Variants in KCMF1 observed in about 807,000 individuals in gnomAD.
KCMF1 encodes E3 ubiquitin-protein ligase KCMF1.
A neutral mutation model predicts 41.1 loss-of-function variants in KCMF1; 3 were observed. That is an observed-to-expected ratio of 0.07 (90% CI 0.03 to 0.19). KCMF1 has a LOEUF of 0.19. Among genes scored for constraint, KCMF1 ranks in the 10% least tolerant of loss-of-function variants. The pLI is 1.00. For synonymous variants in KCMF1, 142 were observed against 164.5 expected, an observed-to-expected ratio of 0.86 and a Z score of 1.04; for missense variants, 286 against 488.9, an observed-to-expected ratio of 0.58 and a Z score of 3.91.
intron 1 of KCMF1, among the ~76,000 whole-genome samples, chr2:84,972,707 CAG>C (rs2103954571): frequency 6.6e-6 from 1 of 152,296 alleles, no homozygotes; most frequent in East Asian, 1.9e-4. Flanking sequence ...CTGAAAAACT[CAG>C]ATTGATTAAA....
chr2:85,014,483 GAATC>G (rs1230000202), intron 1 of KCMF1, among the ~76,000 whole-genome samples: 3 of 151,988 alleles, frequency 2.0e-5, no homozygotes, highest in Non-Finnish European at 4.4e-5. Flanking sequence ...ATCTGTAAAA[GAATC>G]AACAGTTCAG....
At chr2:85,045,527 C>T (rs1242502309) in intron 4 of KCMF1, among the ~76,000 whole-genome samples, 1 of 152,190 alleles carries the variant, frequency 6.6e-6, no homozygotes, top group Non-Finnish European at 1.5e-5. Flanking sequence ...GCCTCCCCCA[C>T]CTCTCATTTG....
At chr2:85,010,311 A>G (rs1674621340) in intron 1 of KCMF1, among the ~76,000 whole-genome samples, 2 of 152,096 alleles carry the variant, frequency 1.3e-5, no homozygotes, top group South Asian at 4.1e-4. Context: ...TCTGCTAAAA[A>G]CACAAAAATT....
intron 6 of KCMF1, among the ~76,000 whole-genome samples, chr2:85,051,801 T>C (rs1675814302): frequency 6.6e-6 from 1 of 152,234 alleles, no homozygotes; most frequent in Admixed American, 6.5e-5. Flanking sequence ...GATTATTTAC[T>C]GTTGGGCTTC....
chr2:84,984,703 C>A (rs929362789), intron 1 of KCMF1, among the ~76,000 whole-genome samples: 1 of 152,042 alleles, frequency 6.6e-6, no homozygotes, highest in African/African-American at 2.4e-5. Context: ...GCCCATAATC[C>A]TAGCTACTCG....
At chr2:85,039,720 G>A (rs1183119812) in intron 3 of KCMF1, among the ~76,000 whole-genome samples, 1 of 152,146 alleles carries the variant, frequency 6.6e-6, no homozygotes, top group Admixed American at 6.5e-5. Flanking sequence ...GACTGATGGT[G>A]ACCCTCAGTG....
At chr2:84,987,694 G>A (rs1362947474) in intron 1 of KCMF1, among the ~76,000 whole-genome samples, 1 of 152,190 alleles carries the variant, frequency 6.6e-6, no homozygotes, top group African/African-American at 2.4e-5. Context: ...CTAGATTTAA[G>A]AATTTCATAG....
chr2:85,025,392 C>A (rs932555673), intron 1 of KCMF1, among the ~76,000 whole-genome samples: 129 of 152,166 alleles, frequency 8.5e-4, no homozygotes, highest in African/African-American at 2.9e-3. Flanking sequence ...TTTATTTTAA[C>A]CCCTTTTAGG....
intron 1 of KCMF1, among the ~76,000 whole-genome samples, chr2:84,997,756 TAC>T (rs1275135001): frequency 3.4e-5 from 5 of 146,662 alleles, no homozygotes; most frequent in Non-Finnish European, 6.0e-5. Flanking sequence ...CAGCAAAAAA[TAC>T]ATTTTCTTTT....
intron 1 of KCMF1, among the ~76,000 whole-genome samples, chr2:85,010,482 G>A (rs1412987858): frequency 6.6e-6 from 1 of 152,132 alleles, no homozygotes; most frequent in Non-Finnish European, 1.5e-5. Context: ...AAAAAAGACT[G>A]TTCTAGACCT....
intron 1 of KCMF1, among the ~76,000 whole-genome samples, chr2:85,011,402 G>A (rs375258169): frequency 3.9e-5 from 6 of 152,238 alleles, no homozygotes; most frequent in African/African-American, 1.4e-4. Context: ...TGCTTGCTTG[G>A]TGTACTTATT....
chr2:85,048,576 C>T (rs1435285354), intron 5 of KCMF1, among the ~76,000 whole-genome samples: 1 of 152,156 alleles, frequency 6.6e-6, no homozygotes, highest in Non-Finnish European at 1.5e-5. Flanking sequence ...TCCCTATAAG[C>T]GAGGTGGACC....
intron 1 of KCMF1, among the ~76,000 whole-genome samples, chr2:84,976,912 CAT>C (rs1673561813): frequency 6.6e-6 from 1 of 151,936 alleles, no homozygotes; most frequent in African/African-American, 2.4e-5. Flanking sequence ...TCATGTATAA[CAT>C]GATGTTTTGA....
intron 1 of KCMF1, among the ~76,000 whole-genome samples, chr2:84,995,756 G>A (rs542429992): frequency 6.6e-6 from 1 of 152,172 alleles, no homozygotes; most frequent in Non-Finnish European, 1.5e-5. Context: ...TTCAAAACAA[G>A]CGTGGGCAAT....
Position 85,027,775 on chromosome 2 carries a change from C to G in KCMF1, c.17-114C>G, listed in dbSNP as rs1159180354. ...CCCGTATCATTTTACTAAGTCATTTCTAGTCATTTTGGAAAGGACATATGA... is the reference window on the plus strand; with the variant it reads ...CCCGTATCATTTTACTAAGTCATTTGTAGTCATTTTGGAAAGGACATATGA... On this transcript the variant is annotated intron_variant, in intron 1 of 6. Coordinates refer to ENST00000409785, the MANE Select transcript of KCMF1 (RefSeq NM_020122.5). 4 of 634,852 alleles carry G rather than the reference C, an allele frequency of 6.3e-6. No homozygotes were observed. In the African/African-American group the frequency reaches 7.4e-5, roughly 12 times the overall value. The allele number at this position is 634,852 out of a possible 1,614,324, so 39.3% of individuals were successfully genotyped here.
At chr2:85,014,706 CGCGTGCGTGCGT>C (rs200633560) in intron 1 of KCMF1, among the ~76,000 whole-genome samples, 1 of 146,412 alleles carries the variant, frequency 6.8e-6, no homozygotes. Context: ...TACTGGCGCG[CGCGTGCGTGCGT>C]GCGTGCGTGT....
Position 85,058,520 on chromosome 2 carries a change from T to G in KCMF1, c.*5111T>G, listed in dbSNP as rs1448170293. The G allele has an allele frequency of 6.6e-6, 1 of 152,272 alleles. No homozygotes were observed. The highest frequency in any genetic ancestry group is 1.5e-5 in the Non-Finnish European group (1 of 68,070). The allele number at this position is 152,272 out of a possible 1,614,324, so 9.4% of individuals were successfully genotyped here. ...GGGAACCTAGCATCTGACTGTGTCCTTGGCAGACAGTGCATGTAGCCTGTA... is the reference window on the plus strand; with the variant it reads ...GGGAACCTAGCATCTGACTGTGTCCGTGGCAGACAGTGCATGTAGCCTGTA... On this transcript the variant is annotated 3_prime_UTR_variant, in exon 7 of 7. Coordinates refer to ENST00000409785, the MANE Select transcript of KCMF1 (RefSeq NM_020122.5).
In KCMF1 at chr2:85,046,093, T is replaced by G. The variant is rs774880865; in HGVS notation, c.427-11T>G. The G allele has an allele frequency of 6.3e-7, 1 of 1,599,298 alleles. No homozygotes were observed. The highest frequency in any genetic ancestry group is 1.1e-5 in the South Asian group (1 of 88,356). On this transcript the variant is annotated splice_polypyrimidine_tract_variant and intron_variant, in intron 4 of 6. Transcript: ENST00000409785. The stretch of plus-strand genomic sequence containing the variant: ...GAAATACTTTCGTTTTTTTCTTAAC[T>G]TTTGGGTTATGATGAATCGAGTGGT...
intron 1 of KCMF1, among the ~76,000 whole-genome samples, chr2:85,009,002 T>C (rs1046125826): frequency 7.9e-5 from 12 of 151,966 alleles, no homozygotes; most frequent in Non-Finnish European, 1.8e-4. Flanking sequence ...AGTACTGAGA[T>C]TATAAGTGTG....
Sources: allele counts gnomAD v4.1 joint callset (sites outside exome capture counted in the v4.1 genomes callset), GRCh38; gene constraint gnomAD v4.1.1; transcripts MANE v1.5; gene names NCBI Gene and HGNC (gene_info 2026-07-23, HGNC 2026-07-21).